The following MUC5B variants were observed in gnomAD, a reference collection of about 807,000 sequenced individuals.
MUC5B encodes the protein mucin-5B.
MUC5B carries 116 observed loss-of-function variants against 376.9 expected under a neutral mutation model. That is an observed-to-expected ratio of 0.31 (90% CI 0.26 to 0.36). The LOEUF is 0.36. MUC5B is among the 10% of genes least tolerant of loss of function. MUC5B has a pLI of 1.00. For missense variants in MUC5B, 7,165 were observed against 7,769.9 expected (o/e 0.92, Z 2.93); for synonymous variants, 3,517 against 3,390.9 (o/e 1.04, Z -1.29).
chr11:1,231,074 G>C (rs1862017469), intron 13 of MUC5B, 69 bp downstream of exon 13: 10 of 1,447,532 alleles, frequency 6.9e-6, no homozygotes, highest in Non-Finnish European at 7.5e-6. Context: ...CACAGCCTGG[G>C]CAGCGTCCGC....
intron 3 of MUC5B, 130 bp downstream of exon 3, chr11:1,226,406 C>T (rs758935559): frequency 2.2e-5 from 29 of 1,327,474 alleles, no homozygotes; most frequent in Middle Eastern, 1.8e-4. Flanking sequence ...TCCGTGTGGG[C>T]GGTCTCCTGG....
chr11:1,253,957 C>A lies in MUC5B; in HGVS notation c.15218-135C>A. On this transcript the variant is annotated intron_variant, in intron 33 of 48. Coordinates refer to ENST00000529681, the MANE Select transcript of MUC5B (RefSeq NM_002458.3). This position sits in a 1 kb window ranked among gnomAD's most constrained non-coding sequence, Gnocchi z 4.3. ...TACACACTGGACCCATTTTTATAGA[C>A]GAGGCAGCTGAGGCCCCAGGGGCTT... 1 of 1,242,870 alleles carries A rather than the reference C, an allele frequency of 8.0e-7. No individual in the cohort carries two copies. Among genetic ancestry groups the A allele is most frequent in the Non-Finnish European group, 1.1e-6 (1 of 909,554 alleles). The allele number at this position is 1,242,870 out of a possible 1,614,324, so 77.0% of individuals were successfully genotyped here. A position where few individuals can be genotyped will look rare whatever the true frequency, so the allele number is the denominator to read the frequency against.
chr11:1,242,648 C>G lies in MUC5B; in HGVS notation c.5768C>G (p.Thr1923Arg), dbSNP rs142667139. The change falls in exon 31 of 49, where the codon ACG (threonine) becomes AGG (arginine). Residue 1923 changes from threonine (T) to arginine (R), a missense_variant. This residue lies in a region of MUC5B where 897 missense variants were observed against 779.6 expected (regional missense o/e 1.15). Coordinates refer to ENST00000529681, the MANE Select transcript of MUC5B (RefSeq NM_002458.3). ...TATTTASTGSTATPTSTLRTA... is the reference protein window; with the variant it reads ...TATTTASTGSRATPTSTLRTA... ...ACTACGACTGCGTCCACTGGATCCA[C>G]GGCCACCCCGACCTCCACCCTGAGA... is the stretch of plus-strand genomic sequence containing the variant. The G allele has an allele frequency of 6.2e-7, 1 of 1,613,634 alleles. No individual in the cohort carries two copies. The highest frequency in any genetic ancestry group is 1.3e-5 in the African/African-American group (1 of 74,822).
intron 23 of MUC5B, 25 bp downstream of exon 23, chr11:1,235,438 AC>A (rs954223105): frequency 1.9e-6 from 3 of 1,576,530 alleles, no homozygotes; most frequent in African/African-American, 1.4e-5. Context: ...AGCTGTGAGC[AC>A]CCCCGACCCT....
chr11:1,255,326 C>A (rs1862810093), intron 36 of MUC5B, 57 bp from the exon 37 acceptor site: 8 of 1,371,706 alleles, frequency 5.8e-6, no homozygotes, highest in African/African-American at 1.4e-5. Flanking sequence ...CGCATGCACG[C>A]ACGCACGCAG....
chr11:1,260,553 G>T (rs1040348812), intron 47 of MUC5B, 73 bp from the exon 48 acceptor site: 2 of 1,491,124 alleles, frequency 1.3e-6, no homozygotes, highest in South Asian at 1.2e-5. Context: ...CCATGGGGAG[G>T]GTCGGCCCAG....
chr11:1,251,764 C>T, intron 31 of MUC5B, 21 bp downstream of exon 31: 1 of 1,486,022 alleles, frequency 6.7e-7, no homozygotes, highest in Non-Finnish European at 9.2e-7. Flanking sequence ...GTGGATAACA[C>T]TGCTGTACCC....
rs1466481959 is a variant in MUC5B at position 1,258,242 on chromosome 11, G to C, written c.16555+39G>C. 5.1e-6 allele frequency: 8 copies of C among 1,574,436 alleles called. No individual in the cohort carries two copies. The South Asian group carries it at 9.2e-5, about 18-fold the overall frequency. The stretch of plus-strand genomic sequence containing the variant: ...GGGCCGGGCTCCTGGGTGGCCTCTT[G>C]CTGGGGGTGGGGGAGTGCAGGATGG... On this transcript the variant is annotated intron_variant, in intron 42 of 48. Transcript: ENST00000529681. This position sits in a 1 kb window ranked among gnomAD's most constrained non-coding sequence, Gnocchi z 5.5.
In MUC5B at chr11:1,245,259, C is replaced by G. The variant is rs756989072; in HGVS notation, c.8379C>G (p.His2793Gln). Residue 2793 changes from histidine (H) to glutamine (Q), a missense_variant, in exon 31 of 49, where the codon CAC (histidine) becomes CAG (glutamine). By Grantham distance (24) the His-to-Gln change is conservative (BLOSUM62 0). Around this residue, in one of 31 missense-constraint regions of MUC5B, gnomAD observed 70 missense variants for 169.1 expected, o/e 0.41. Coordinates refer to ENST00000529681, the MANE Select transcript of MUC5B (RefSeq NM_002458.3). The part of the protein sequence containing the change: ...HITEPSTGTS[H>Q]TPAATTGTTQ... ...CAGAGCCTTCCACGGGGACTTCCCA[C>G]ACCCCAGCAGCAACCACCGGTACCA... 37 of 1,598,322 alleles carry G rather than the reference C, an allele frequency of 2.3e-5. No homozygotes were observed. In the East Asian group the frequency reaches 8.1e-4, roughly 35 times the overall value.
intron 25 of MUC5B, among the ~76,000 whole-genome samples, chr11:1,237,690 C>G (rs1470729335): frequency 6.6e-6 from 1 of 152,014 alleles, no homozygotes; most frequent in Non-Finnish European, 1.5e-5. Context: ...GTCAACATGG[C>G]GAAACCCCGT....
At chr11:1,229,412 G>T in intron 9 of MUC5B, 117 bp downstream of exon 9, 1 of 1,271,862 alleles carries the variant, frequency 7.9e-7, no homozygotes, top group Non-Finnish European at 1.1e-6. Context: ...TCCCACCAGA[G>T]GGCCCAGGGT....
chr11:1,259,810 G>T lies in MUC5B; in HGVS notation c.16768G>T (p.Ala5590Ser). The change falls in exon 45 of 49, where the codon GCC (alanine) becomes TCC (serine). Residue 5590 changes from alanine (A) to serine (S), a missense_variant. By Grantham distance (99) the Ala-to-Ser change is moderately conservative. Coordinates refer to ENST00000529681, the MANE Select transcript of MUC5B (RefSeq NM_002458.3). ...GTGCTGTGGGGAGTGCGTCCAGACC[G>T]CCTGCCTCACGCCCGATGGCCAGCC... ...GQCCGECVQT[A>S]CLTPDGQPVQ... The T allele has an allele frequency of 1.2e-6, 2 of 1,612,358 alleles. No homozygotes were observed. Among genetic ancestry groups the T allele is most frequent in the Non-Finnish European group, 1.7e-6 (2 of 1,179,668 alleles).
Position 1,233,258 on chromosome 11 carries a change from G to T in MUC5B, c.2311G>T (p.Gly771Cys). Residue 771 changes from glycine (G) to cysteine (C), a missense_variant, in exon 18 of 49, where the codon GGC becomes TGC. Coordinates refer to ENST00000529681, the MANE Select transcript of MUC5B (RefSeq NM_002458.3). ...TCCTGGAGAGGTGGTGCACGACGAG[G>T]GCGCCGTGTGGTAAGGGTCTGGGGG... Reference protein sequence around the residue: ...LAPGEVVHDEGAVCSCTGGKL... With the variant: ...LAPGEVVHDECAVCSCTGGKL... 6.4e-7 allele frequency: 1 copy of T among 1,568,446 alleles called. No individual in the cohort carries two copies. Among genetic ancestry groups the T allele is most frequent in the Non-Finnish European group, 8.6e-7 (1 of 1,159,094 alleles).
Position 1,236,521 on chromosome 11 carries a change from C to T in MUC5B, c.3016C>T (p.Arg1006Trp), listed in dbSNP as rs770074275. 4.8e-5 allele frequency: 78 copies of T among 1,612,898 alleles called. No individual in the cohort carries two copies. Among genetic ancestry groups the T allele is most frequent in the Non-Finnish European group, 6.1e-5 (72 of 1,179,826 alleles). ...ETHGMAVSWD[R>W]KTSVFIRLHQ... ...CCACGGGATGGCCGTGTCCTGGGAC[C>T]GGAAGACCAGCGTGTTCATCCGACT... The change falls in exon 24 of 49, where the codon CGG (arginine) becomes TGG (tryptophan). Residue 1006 changes from arginine (R) to tryptophan (W), a missense_variant. Arg to Trp is a moderately radical substitution (Grantham distance 101, BLOSUM62 -3). Transcript: ENST00000529681.
In MUC5B at chr11:1,252,369, C is replaced by A; in HGVS notation, c.14890C>A (p.Arg4964=). 2 of 1,579,738 alleles carry A rather than the reference C, an allele frequency of 1.3e-6. No individual in the cohort carries two copies. Among genetic ancestry groups the A allele is most frequent in the Non-Finnish European group, 1.7e-6 (2 of 1,163,100 alleles). The part of the protein sequence containing the change: ...PGEVIYNKTD[R]AGCHFYAVCN... ...GGAAGTCATCTACAATAAGACCGAC[C>A]GAGCCGGCTGCCATTTCTACGCAGT... The change falls in exon 32 of 49, where the codon CGA becomes AGA. Residue 4964 remains arginine, a synonymous_variant. Coordinates refer to ENST00000529681, the MANE Select transcript of MUC5B (RefSeq NM_002458.3).
In MUC5B at chr11:1,244,299, C is replaced by T. The variant is rs527847500; in HGVS notation, c.7419C>T (p.Thr2473=). 1.2e-4 allele frequency: 199 copies of T among 1,606,098 alleles called. 2 individuals are homozygous for T. The highest frequency in any genetic ancestry group is 8.5e-4 in the African/African-American group (63 of 73,812). Residue 2473 remains threonine (T), a synonymous_variant, in exon 31 of 49, where the codon ACC becomes ACT. Coordinates refer to ENST00000529681, the MANE Select transcript of MUC5B (RefSeq NM_002458.3). The part of the protein sequence containing the change: ...WILTEPSTTA[T]VTVPTGSTAT... ...TCACAGAGCCGAGCACTACAGCCAC[C>T]GTGACGGTGCCCACCGGATCCACGG...
At position 1,253,952 on chromosome 11, in the gene MUC5B, A is replaced by T; in HGVS notation, c.15218-140A>T. ...CATTCTACACACTGGACCCATTTTT[A>T]TAGACGAGGCAGCTGAGGCCCCAGG... On this transcript the variant is annotated intron_variant, in intron 33 of 48. Transcript: ENST00000529681. The surrounding 1 kb of genome is among the most constrained non-coding windows in gnomAD (Gnocchi z 4.3). 1 of 1,200,780 alleles carries T rather than the reference A, an allele frequency of 8.3e-7. No individual in the cohort carries two copies. The highest frequency in any genetic ancestry group is 1.1e-6 in the Non-Finnish European group (1 of 873,016). 74.4% of individuals were successfully genotyped at this position (1,200,780 alleles called of 1,614,324 possible).
rs769320671 is a variant in MUC5B, at chr11:1,247,224, G to A, written c.10344G>A (p.Pro3448=). Residue 3448 remains proline, a synonymous_variant, in exon 31 of 49, where the codon CCG becomes CCA. Coordinates refer to ENST00000529681, the MANE Select transcript of MUC5B (RefSeq NM_002458.3). ...ALGTTHTPPV[P]NTTATTHGRS... is the part of the protein sequence containing the mutation. The stretch of plus-strand genomic sequence containing the variant: ...GGACCACCCACACACCCCCAGTGCC[G>A]AACACCACGGCCACCACACACGGGC... 24 of 1,572,352 alleles carry A rather than the reference G, an allele frequency of 1.5e-5. No homozygotes were observed. The highest frequency in any genetic ancestry group is 1.8e-4 in the Middle Eastern group (1 of 5,502).
rs1169086481 is a variant in MUC5B at position 1,247,369 on chromosome 11, G to A, written c.10489G>A (p.Ala3497Thr). 4 of 1,610,476 alleles carry A rather than the reference G, an allele frequency of 2.5e-6. No homozygotes were observed. Among genetic ancestry groups the A allele is most frequent in the Non-Finnish European group, 2.5e-6 (3 of 1,179,194 alleles). The change falls in exon 31 of 49, where the codon GCA becomes ACA. Residue 3497 changes from alanine (A) to threonine (T), a missense_variant. Physicochemically the swap from Ala to Thr is moderately conservative, Grantham distance 58. Coordinates refer to ENST00000529681, the MANE Select transcript of MUC5B (RefSeq NM_002458.3). ...CACGGTGACTTCCCACACCCCAGCA[G>A]CAACCACCAGTACCACCCAGCACTC... ...PSTVTSHTPA[A>T]TTSTTQHSTP...
Sources: allele counts gnomAD v4.1 joint callset (sites outside exome capture counted in the v4.1 genomes callset), GRCh38; gene constraint gnomAD v4.1.1; regional missense constraint gnomAD v4.1.1; non-coding constraint Gnocchi (gnomAD v3.1); transcripts MANE v1.5; gene names NCBI Gene and HGNC (gene_info 2026-07-23, HGNC 2026-07-21).